CPNE9: variants seen among roughly 807,000 people sequenced by gnomAD.
The protein encoded by CPNE9 is copine-9.
In CPNE9, 59 loss-of-function variants were observed where a neutral mutation model predicts 83.0. That is an observed-to-expected ratio of 0.71 (90% confidence interval 0.58 to 0.88). The LOEUF is 0.88. Among genes scored for constraint, CPNE9 ranks in the 40% least tolerant of loss-of-function variants. The pLI, the probability that CPNE9 is intolerant of heterozygous loss-of-function variation, is 0.00. For synonymous variants in CPNE9, 256 were observed against 273.4 expected (o/e 0.94, Z 0.63); for missense variants, 619 against 720.8 (o/e 0.86, Z 1.62).
chr3:9,704,874 TCCA>T lies in CPNE9; in HGVS notation c.157-14_157-12del. 1 of 1,608,146 alleles carries T rather than the reference TCCA, an allele frequency of 6.2e-7. No homozygotes were observed. Among genetic ancestry groups the T allele is most frequent in the Non-Finnish European group, 8.5e-7 (1 of 1,176,456 alleles). On this transcript the variant is annotated splice_polypyrimidine_tract_variant and intron_variant, in intron 3 of 20. Transcript: ENST00000383832. The surrounding 1 kb of genome is among the most constrained non-coding windows in gnomAD (Gnocchi z 7.1). ...CCGTCTGCACGTCCCACGCTGACCC[TCCA>T]CCCCCCTACCCAGTTCGGACGGACC...
At chr3:9,726,795 G>A in intron 19 of CPNE9, 73 bp downstream of exon 19, 2 of 1,369,142 alleles carry the variant, frequency 1.5e-6, no homozygotes, top group Non-Finnish European at 2.1e-6. Context: ...GGGTACTTGG[G>A]CCTGCCTCAC....
At chr3:9,725,366 C>G (rs1434435625) in intron 17 of CPNE9, among the ~76,000 whole-genome samples, 3 of 151,864 alleles carry the variant, frequency 2.0e-5, no homozygotes, top group African/African-American at 7.3e-5. Flanking sequence ...GAAACCTCAT[C>G]TCTACTAAAA....
intron 4 of CPNE9, 40 bp from the exon 5 acceptor site, chr3:9,705,424 C>CCCCCA: frequency 1.2e-6 from 1 of 860,046 alleles, no homozygotes; most frequent in South Asian, 1.5e-5. Flanking sequence ...CCCTCTCCCC[C>CCCCCA]ACCCAGCCCC....
intron 10 of CPNE9, among the ~76,000 whole-genome samples, chr3:9,714,243 A>C (rs1009091599): frequency 6.6e-6 from 1 of 152,336 alleles, no homozygotes; most frequent in Non-Finnish European, 1.5e-5. Flanking sequence ...TGCATGCCTC[A>C]GTGAGTCAGT....
At position 9,715,965 on chromosome 3, in the gene CPNE9, G is replaced by T; in HGVS notation, c.823-9G>T. On this transcript the variant is annotated splice_polypyrimidine_tract_variant and intron_variant, in intron 13 of 20. Transcript: ENST00000383832. ...CCAAAGTGCCAGGGCTGCCTATTCT[G>T]TCCCACAGGTGACGCTGCTCTCCTT... 4 of 1,610,446 alleles carry T rather than the reference G, an allele frequency of 2.5e-6. No individual in the cohort carries two copies. The Admixed American group carries it at 5.0e-5, about 20-fold the overall frequency.
intron 10 of CPNE9, 90 bp from the exon 11 acceptor site, chr3:9,714,824 G>T: frequency 9.4e-7 from 1 of 1,059,144 alleles, no homozygotes; most frequent in South Asian, 1.4e-5. Context: ...ATGGGTGGAT[G>T]GGGAGATGAT....
rs56320778 is a variant in CPNE9, at chr3:9,724,719, CCTATCTATCTATCTAT to C, written c.1242-1191_1242-1176del. 2.6e-3 allele frequency among the ~76,000 whole-genome samples: 389 copies of C among 146,932 alleles called. 2 individuals are homozygous for C. The highest frequency in any genetic ancestry group is 6.8e-3 in the African/African-American group (271 of 39,784). On this transcript the variant is annotated intron_variant, in intron 17 of 20. Transcript: ENST00000383832. ...CTTACCTGCTGGGTCACATCAGGATCCTATCTATCTATCTATCTATCTATCTATCTATCTATCTATC... is the reference window on the plus strand; with the variant it reads ...CTTACCTGCTGGGTCACATCAGGATCCTATCTATCTATCTATCTATCTATC...
At chr3:9,705,316 C>G in intron 4 of CPNE9, 148 bp from the exon 5 acceptor site, 1 of 679,754 alleles carries the variant, frequency 1.5e-6, no homozygotes, top group South Asian at 1.8e-5. Flanking sequence ...CCCACCCTGA[C>G]TCCTCCCCAA....
Position 9,714,913 on chromosome 3 carries a change from G to T in CPNE9, c.651-1G>T. On this transcript the variant is annotated splice_acceptor_variant, in intron 10 of 20. Transcript: ENST00000383832. LOFTEE classifies it high-confidence loss of function. ...GGGTATGTTTATCTCCTACATTTCA[G>T]AACGGTGAAGATTGATGTGTACGAC... is the stretch of plus-strand genomic sequence containing the variant. The T allele has an allele frequency of 6.2e-7, 1 of 1,613,680 alleles. No homozygotes were observed. Among genetic ancestry groups the T allele is most frequent in the South Asian group, 1.1e-5 (1 of 91,060 alleles).
intron 7 of CPNE9, 116 bp downstream of exon 7, chr3:9,706,179 C>A: frequency 1.1e-6 from 1 of 897,694 alleles, no homozygotes; most frequent in Non-Finnish European, 1.7e-6. Context: ...CAGGAGCCTG[C>A]CCCGGCTCCC....
chr3:9,715,092 C>A, intron 11 of CPNE9, 137 bp downstream of exon 11: 1 of 919,346 alleles, frequency 1.1e-6, no homozygotes, highest in Non-Finnish European at 1.7e-6. Flanking sequence ...GTCTTGGGTA[C>A]AACTGATCCC....
intron 20 of CPNE9, among the ~76,000 whole-genome samples, chr3:9,728,373 C>T (rs2076801680): frequency 6.6e-6 from 1 of 152,154 alleles, no homozygotes; most frequent in South Asian, 2.1e-4. Flanking sequence ...CTTGTAATCC[C>T]AGCACTTTGG....
At chr3:9,722,086 T>G (rs2076739047) in intron 17 of CPNE9, among the ~76,000 whole-genome samples, 1 of 151,952 alleles carries the variant, frequency 6.6e-6, no homozygotes, top group Admixed American at 6.6e-5. Flanking sequence ...CCCGGCTAAT[T>G]TTTGTATTCT....
Position 9,703,913 on chromosome 3 carries a change from G to C in CPNE9, c.-84G>C. 8.4e-7 allele frequency: 1 copy of C among 1,186,196 alleles called. No homozygotes were observed. 73.5% of individuals were successfully genotyped at this position (1,186,196 alleles called of 1,614,324 possible). ...CGCCGCCGCCGACACCGCGGCACAT[G>C]GGCCGGCCCCGCCGCTGCCGTCGCC... On this transcript the variant is annotated 5_prime_UTR_variant, in exon 1 of 21. An upstream start codon of the reference 5' UTR is lost. Coordinates refer to ENST00000383832, the MANE Select transcript of CPNE9 (RefSeq NM_153635.3).
chr3:9,726,614 C>T (rs767492407), intron 18 of CPNE9, 51 bp from the exon 19 acceptor site: 76 of 1,432,014 alleles, frequency 5.3e-5, no homozygotes, highest in Non-Finnish European at 7.4e-5. Context: ...CAACAGTCAC[C>T]TCCCTAGTGA....
intron 7 of CPNE9, among the ~76,000 whole-genome samples, chr3:9,709,960 A>G (rs981884143): frequency 6.6e-6 from 1 of 150,466 alleles, no homozygotes; most frequent in Non-Finnish European, 1.5e-5. Flanking sequence ...ATTGCACTCC[A>G]GCCTGGGCGA....
Position 9,713,016 on chromosome 3 carries a change from T to A in CPNE9, c.587T>A (p.Leu196Gln), listed in dbSNP as rs778214429. 3.1e-6 allele frequency: 5 copies of A among 1,614,218 alleles called. No homozygotes were observed. The highest frequency in any genetic ancestry group is 4.2e-6 in the Non-Finnish European group (5 of 1,180,036). The change falls in exon 10 of 21, where the codon CTG (leucine) becomes CAG (glutamine). Residue 196 changes from leucine to glutamine, a missense_variant. Physicochemically the swap from Leu to Gln is moderately radical, Grantham distance 113. Coordinates refer to ENST00000383832, the MANE Select transcript of CPNE9 (RefSeq NM_153635.3). The stretch of plus-strand genomic sequence containing the variant: ...AAGACAGAGGTTGTGAAAAACACGC[T>A]GAATCCTGTGTGGCAGCCCTTCAGC... Reference protein sequence around the residue: ...CHKTEVVKNTLNPVWQPFSIP... With the variant: ...CHKTEVVKNTQNPVWQPFSIP...
chr3:9,708,537 G>A (rs1391196602), intron 7 of CPNE9, among the ~76,000 whole-genome samples: 2 of 152,244 alleles, frequency 1.3e-5, no homozygotes, highest in Admixed American at 6.5e-5. Context: ...ATTGGGAATT[G>A]GCCATTGCAT....
chr3:9,712,633 G>A, intron 8 of CPNE9, 29 bp downstream of exon 8: 1 of 1,611,886 alleles, frequency 6.2e-7, no homozygotes, highest in East Asian at 2.2e-5. Flanking sequence ...CTAGACCCAG[G>A]AGCTCCCTTC....
Sources: allele counts gnomAD v4.1 joint callset (sites outside exome capture counted in the v4.1 genomes callset), GRCh38; gene constraint gnomAD v4.1.1; non-coding constraint Gnocchi (gnomAD v3.1); transcripts MANE v1.5; gene names NCBI Gene and HGNC (gene_info 2026-07-23, HGNC 2026-07-21).